UBE2W: variants seen among roughly 807,000 people sequenced by gnomAD.
UBE2W encodes ubiquitin-conjugating enzyme E2 W.
Under a neutral mutation model 27.2 loss-of-function variants are expected in UBE2W, and 18 were observed. That is an observed-to-expected ratio of 0.66 (90% CI 0.46 to 0.98). UBE2W has a LOEUF of 0.98. Among genes scored for constraint, UBE2W ranks in the 50% least tolerant of loss-of-function variants. UBE2W has a pLI of 0.00. For synonymous variants in UBE2W, 53 were observed against 57.2 expected, an observed-to-expected ratio of 0.93 and a Z score of 0.33; for missense variants, 90 against 180.2, an observed-to-expected ratio of 0.50 and a Z score of 2.87.
exon 5 of UBE2W, chr8:73,780,110 C>A (rs531562959): frequency 6.5e-6 from 1 of 153,386 alleles, no homozygotes; most frequent in Admixed American, 6.5e-5. Context: ...TTAAAAGAAA[C>A]CAGACATTTA....
At chr8:73,780,898 A>C (rs561800690) in intron 4 of UBE2W, among the ~76,000 whole-genome samples, 1 of 152,296 alleles carries the variant, frequency 6.6e-6, no homozygotes, top group East Asian at 1.9e-4. Flanking sequence ...AATCCCTGTA[A>C]ATGAAGGTGA....
intron 1 of UBE2W, among the ~76,000 whole-genome samples, chr8:73,863,603 C>A (rs1316771075): frequency 9.7e-5 from 14 of 144,160 alleles, no homozygotes; most frequent in African/African-American, 3.1e-4. Flanking sequence ...AAAAAAAATA[C>A]AAAAAATAGC....
chr8:73,846,362 C>T (rs1244541668), intron 1 of UBE2W, among the ~76,000 whole-genome samples: 1 of 152,060 alleles, frequency 6.6e-6, no homozygotes, highest in African/African-American at 2.4e-5. Flanking sequence ...CACCACTGCA[C>T]TCCAGCCTAG....
In UBE2W at chr8:73,793,222, T is replaced by G; in HGVS notation, c.*880A>C. ...GATGGCTAGCAGGAAGTTAACAGAGTGTAACTTACTTGGAAAAAATCTTTA... is the reference window on the plus strand; with the variant it reads ...GATGGCTAGCAGGAAGTTAACAGAGGGTAACTTACTTGGAAAAAATCTTTA... On this transcript the variant is annotated 3_prime_UTR_variant, in exon 6 of 6. Coordinates refer to ENST00000602593, the MANE Select transcript of UBE2W (RefSeq NM_018299.6). 2 of 985,604 alleles carry G rather than the reference T, an allele frequency of 2.0e-6. No individual in the cohort carries two copies. The highest frequency in any genetic ancestry group is 2.4e-6 in the Non-Finnish European group (2 of 829,846). The allele number at this position is 985,604 out of a possible 1,614,324, so 61.1% of individuals were successfully genotyped here. A position where few individuals can be genotyped will look rare whatever the true frequency, so the allele number is the denominator to read the frequency against.
chr8:73,868,346 C>G (rs879855241), intron 1 of UBE2W, among the ~76,000 whole-genome samples: 1 of 152,168 alleles, frequency 6.6e-6, no homozygotes, highest in Admixed American at 6.5e-5. Flanking sequence ...CCACATACCC[C>G]ACGGGGCCAA....
chr8:73,870,139 G>A, intron 1 of UBE2W: 9 of 963,234 alleles, frequency 9.3e-6, no homozygotes, highest in Middle Eastern at 4.7e-4. Context: ...AGTTTTATAT[G>A]TGGATTATAT....
At chr8:73,865,428 C>T (rs540919154) in intron 1 of UBE2W, among the ~76,000 whole-genome samples, 142 of 152,182 alleles carry the variant, frequency 9.3e-4, no homozygotes, top group African/African-American at 3.2e-3. Flanking sequence ...GCCTAGGCAA[C>T]ATGGCAAAAC....
downstream of UBE2W, among the ~76,000 whole-genome samples, chr8:73,784,035 GCCA>G (rs1187021884): frequency 1.3e-5 from 2 of 152,224 alleles, no homozygotes; most frequent in African/African-American, 4.8e-5. Flanking sequence ...ACAGGTGTGA[GCCA>G]CCACACCTGG....
intron 1 of UBE2W, among the ~76,000 whole-genome samples, chr8:73,844,547 G>A (rs1304010376): frequency 1.3e-5 from 2 of 152,204 alleles, no homozygotes; most frequent in Non-Finnish European, 1.5e-5. Context: ...TGCCGAGATT[G>A]CAGCCTCTGC....
At position 73,786,973 on chromosome 8, in the gene UBE2W, G is replaced by C. The variant is rs757844190; in HGVS notation, c.*7129C>G. 3.0e-6 allele frequency: 3 copies of C among 985,426 alleles called. No individual in the cohort carries two copies. Among genetic ancestry groups the C allele is most frequent in the Non-Finnish European group, 3.6e-6 (3 of 829,934 alleles). The allele number at this position is 985,426 out of a possible 1,614,324, so 61.0% of individuals were successfully genotyped here. On this transcript the variant is annotated 3_prime_UTR_variant, in exon 6 of 6. Coordinates refer to ENST00000602593, the MANE Select transcript of UBE2W (RefSeq NM_018299.6). ...ATACAGCCATCTATATTAGGATCTT[G>C]TCTAATGACATATATTCACCCACAT...
At chr8:73,850,393 C>T (rs1439128264) in intron 1 of UBE2W, among the ~76,000 whole-genome samples, 1 of 151,916 alleles carries the variant, frequency 6.6e-6, no homozygotes, top group Non-Finnish European at 1.5e-5. Flanking sequence ...TAGGTCAATA[C>T]CCTAAGAGAA....
chr8:73,829,256 C>T (rs557502746), intron 2 of UBE2W, among the ~76,000 whole-genome samples: 4 of 151,838 alleles, frequency 2.6e-5, no homozygotes, highest in Admixed American at 6.6e-5. Context: ...AAAAAATAAA[C>T]GATGAAAGAA....
At chr8:73,864,750 T>TGGGGGGGG (rs71269956) in intron 1 of UBE2W, among the ~76,000 whole-genome samples, 12 of 88,606 alleles carry the variant, frequency 1.4e-4, no homozygotes, top group African/African-American at 6.0e-4. Flanking sequence ...CAAATTTTTT[T>TGGGGGGGG]GGGGGGGGGG....
chr8:73,809,562 A>G (rs1282720974), intron 4 of UBE2W, among the ~76,000 whole-genome samples: 2 of 152,120 alleles, frequency 1.3e-5, no homozygotes. Flanking sequence ...GGTATCCTAA[A>G]TTTATATGTA....
chr8:73,814,254 G>T (rs1809294399), intron 3 of UBE2W, among the ~76,000 whole-genome samples: 1 of 152,108 alleles, frequency 6.6e-6, no homozygotes, highest in South Asian at 2.1e-4. Context: ...AAATTTTTTT[G>T]GAGTTTCAAG....
Position 73,788,146 on chromosome 8 carries a change from A to G in UBE2W, c.*5956T>C. On this transcript the variant is annotated 3_prime_UTR_variant, in exon 6 of 6. Coordinates refer to ENST00000602593, the MANE Select transcript of UBE2W (RefSeq NM_018299.6). ...GAAAAAATCCAATAACAACTGCTTT[A>G]TTATTAAAAGTTATGAAATTCCATA... is the stretch of plus-strand genomic sequence containing the variant. The G allele has an allele frequency of 1.0e-6, 1 of 980,592 alleles. No individual in the cohort carries two copies. Among genetic ancestry groups the G allele is most frequent in the Non-Finnish European group, 1.2e-6 (1 of 825,520 alleles). 60.7% of individuals were successfully genotyped at this position (980,592 alleles called of 1,614,324 possible).
At chr8:73,825,965 C>T (rs1025880020) in intron 2 of UBE2W, among the ~76,000 whole-genome samples, 1 of 152,146 alleles carries the variant, frequency 6.6e-6, no homozygotes, top group Non-Finnish European at 1.5e-5. Flanking sequence ...CTGATTATTA[C>T]TGGTGGAAGC....
chr8:73,847,908 A>T (rs1810885051), intron 1 of UBE2W, among the ~76,000 whole-genome samples: 1 of 150,828 alleles, frequency 6.6e-6, no homozygotes, highest in African/African-American at 2.4e-5. Context: ...GTCTCAAAAA[A>T]AAAATAAAAA....
At chr8:73,808,755 A>G (rs1809023463) in intron 4 of UBE2W, among the ~76,000 whole-genome samples, 1 of 152,208 alleles carries the variant, frequency 6.6e-6, no homozygotes, top group South Asian at 2.1e-4. Context: ...CTATTACAGT[A>G]AAAACATAGT....
Sources: allele counts gnomAD v4.1 joint callset (sites outside exome capture counted in the v4.1 genomes callset), GRCh38; gene constraint gnomAD v4.1.1; transcripts MANE v1.5; gene names NCBI Gene and HGNC (gene_info 2026-07-23, HGNC 2026-07-21).